Variants in HNRNPD observed in about 807,000 individuals in gnomAD.
The protein encoded by HNRNPD is heterogeneous nuclear ribonucleoprotein D.
A neutral mutation model predicts 47.9 loss-of-function variants in HNRNPD; 3 were observed. The observed-to-expected ratio is 0.06, with a 90% confidence interval of 0.03 to 0.16. HNRNPD has a LOEUF of 0.16. Among genes scored for constraint, HNRNPD ranks in the 10% least tolerant of loss-of-function variants. The probability of loss-of-function intolerance (pLI) is 1.00; values close to 1 mark genes in which losing one functional copy is unlikely to be tolerated. For missense variants in HNRNPD, 287 were observed against 454.2 expected (o/e 0.63, Z 3.35); for synonymous variants, 171 against 165.1 (o/e 1.04, Z -0.28).
At chr4:82,360,376 CAAAAT>C (rs1486314611) in intron 2 of HNRNPD, among the ~76,000 whole-genome samples, 1 of 151,802 alleles carries the variant, frequency 6.6e-6, no homozygotes, top group Non-Finnish European at 1.5e-5. Context: ...CGTATATACT[CAAAAT>C]AAAATATTTT....
At chr4:82,366,405 G>A (rs1043935188) in intron 2 of HNRNPD, among the ~76,000 whole-genome samples, 2 of 151,800 alleles carry the variant, frequency 1.3e-5, no homozygotes, top group Non-Finnish European at 1.5e-5. Flanking sequence ...CATCATGCCC[G>A]GCTAATTTCT....
At chr4:82,363,048 G>GTGTGTATA (rs1198240906) in intron 2 of HNRNPD, among the ~76,000 whole-genome samples, 24 of 145,530 alleles carry the variant, frequency 1.6e-4, no homozygotes, top group African/African-American at 5.5e-4. Flanking sequence ...GTGTGTGTGT[G>GTGTGTATA]TATATATATA....
intron 7 of HNRNPD, chr4:82,355,950 T>C (rs1723693997): frequency 6.5e-6 from 1 of 153,260 alleles, no homozygotes; most frequent in Non-Finnish European, 1.5e-5. Context: ...GCAACCACTC[T>C]CCTCCAAAAA....
chr4:82,369,776 T>C lies in HNRNPD; in HGVS notation c.290+1752A>G, dbSNP rs370237624. 7.9e-5 allele frequency among the ~76,000 whole-genome samples: 12 copies of C among 151,904 alleles called. No homozygotes were observed. The South Asian group carries it at 8.3e-4, about 11-fold the overall frequency. On this transcript the variant is annotated intron_variant, in intron 2 of 8. Transcript: ENST00000313899. ...TCTGGAACAGGATAGGGCTGCATAA[T>C]TGGAAAGTTAAGAAAAGTCAAATAT...
intron 2 of HNRNPD, among the ~76,000 whole-genome samples, chr4:82,360,909 A>C (rs918644968): frequency 3.9e-5 from 6 of 152,190 alleles, no homozygotes; most frequent in African/African-American, 1.4e-4. Context: ...CTAGTGACAA[A>C]GCAAACTTTC....
In HNRNPD at chr4:82,373,472, G is replaced by A. The variant is rs1226564756; in HGVS notation, c.207C>T (p.Asp69=). 1.9e-6 allele frequency: 3 copies of A among 1,563,630 alleles called. No homozygotes were observed. Among genetic ancestry groups the A allele is most frequent in the East Asian group, 2.4e-5 (1 of 42,040 alleles). The part of the protein sequence containing the change: ...GSAESEGAKI[D]ASKNEEDEGH... ...CTTCATCCTCCTCGTTCTTACTGGC[G>A]TCAATCTTCGCCCCCTCCGACTCGG... The change falls in exon 1 of 9, where the codon GAC becomes GAT. Residue 69 remains aspartate (D), a synonymous_variant. Coordinates refer to ENST00000313899, the MANE Select transcript of HNRNPD (RefSeq NM_031370.3).
At position 82,352,939 on chromosome 4, in the gene HNRNPD, C is replaced by G. The variant is rs1460346802; in HGVS notation, c.*1246G>C. ...TATAGAACTGTATAATAATACATTTCTCATTTGTTACCTTTCTAATGAACT... is the reference window on the plus strand; with the variant it reads ...TATAGAACTGTATAATAATACATTTGTCATTTGTTACCTTTCTAATGAACT... On this transcript the variant is annotated 3_prime_UTR_variant, in exon 9 of 9. Coordinates refer to ENST00000313899, the MANE Select transcript of HNRNPD (RefSeq NM_031370.3). 1 of 152,192 alleles carries G rather than the reference C, an allele frequency of 6.6e-6. No individual in the cohort carries two copies. Among genetic ancestry groups the G allele is most frequent in the Non-Finnish European group, 1.5e-5 (1 of 68,038 alleles). 9.4% of individuals were successfully genotyped at this position (152,192 alleles called of 1,614,324 possible). A position where few individuals can be genotyped will look rare whatever the true frequency, so the allele number is the denominator to read the frequency against.
intron 1 of HNRNPD, among the ~76,000 whole-genome samples, chr4:82,372,681 G>C (rs958786297): frequency 1.3e-5 from 2 of 152,184 alleles, no homozygotes; most frequent in African/African-American, 2.4e-5. Flanking sequence ...GCCGGAGATA[G>C]GAACAGCTCC....
intron 8 of HNRNPD, chr4:82,354,399 A>G (rs559223766): frequency 5.2e-5 from 8 of 152,792 alleles, no homozygotes; most frequent in African/African-American, 1.7e-4. Context: ...AAAAAGCTTT[A>G]AAGTATTTAC....
chr4:82,364,064 C>A (rs1719623058), intron 2 of HNRNPD, among the ~76,000 whole-genome samples: 1 of 152,150 alleles, frequency 6.6e-6, no homozygotes, highest in African/African-American at 2.4e-5. Flanking sequence ...GCAGCCTTGA[C>A]CTCCTGGGCT....
Position 82,371,516 on chromosome 4 carries a change from T to A in HNRNPD, c.290+12A>T. 6.2e-7 allele frequency: 1 copy of A among 1,604,468 alleles called. No homozygotes were observed. On this transcript the variant is annotated intron_variant, in intron 2 of 8. Coordinates refer to ENST00000313899, the MANE Select transcript of HNRNPD (RefSeq NM_031370.3). ...ACCTTTATAATACAGAAATAAAATT[T>A]AAAAGTTTTACCATTCTTCCCGCTG...
chr4:82,366,567 CTTTT>C lies in HNRNPD; in HGVS notation c.290+4957_290+4960del, dbSNP rs575034051. Among the ~76,000 whole-genome samples the C allele has an allele frequency of 2.4e-4, 37 of 151,460 alleles. No individual in the cohort carries two copies. The South Asian group carries it at 3.3e-3, about 14-fold the overall frequency. ...CCAACATGACAGTTTTTTAAATAAACTTTTTTTTTCTTTTTTTGAGACGGAGTCT... is the reference window on the plus strand; with the variant it reads ...CCAACATGACAGTTTTTTAAATAAACTTTTTCTTTTTTTGAGACGGAGTCT... On this transcript the variant is annotated intron_variant, in intron 2 of 8. Transcript: ENST00000313899.
rs1033206219 is a variant in HNRNPD, at chr4:82,373,563, G to A, written c.116C>T (p.Ala39Val). 9 of 1,536,088 alleles carry A rather than the reference G, an allele frequency of 5.9e-6. No homozygotes were observed. The African/African-American group carries it at 7.0e-5, about 12-fold the overall frequency. Reference sequence around the variant, plus strand: ...GGTCCCGGCTCCGCTTCCCGCCGCCGCCGCTGCCCCCTGTGTCGCCGCCAC... The same window carrying A: ...GGTCCCGGCTCCGCTTCCCGCCGCCACCGCTGCCCCCTGTGTCGCCGCCAC... ...AMVAATQGAA[A>V]AAGSGAGTGG... is the part of the protein sequence containing the mutation. The change falls in exon 1 of 9, where the codon GCG becomes GTG. Residue 39 changes from alanine to valine, a missense_variant. Physicochemically the swap from Ala to Val is moderately conservative, Grantham distance 64. This residue lies in a region of HNRNPD where 161 missense variants were observed against 137.1 expected (regional missense o/e 1.17). Transcript: ENST00000313899.
intron 1 of HNRNPD, among the ~76,000 whole-genome samples, chr4:82,372,569 A>C (rs1364847923): frequency 6.6e-6 from 1 of 152,172 alleles, no homozygotes; most frequent in Non-Finnish European, 1.5e-5. Context: ...ATAAAAAGTA[A>C]GGTACAATCT....
chr4:82,358,576 G>T, intron 4 of HNRNPD, 83 bp downstream of exon 4: 3 of 1,268,154 alleles, frequency 2.4e-6, no homozygotes, highest in South Asian at 1.4e-5. Context: ...GCTTTGAAAA[G>T]CCAAGTGACT....
chr4:82,358,587 C>T (rs1216003350), intron 4 of HNRNPD, 72 bp downstream of exon 4: 26 of 1,372,756 alleles, frequency 1.9e-5, no homozygotes, highest in Non-Finnish European at 2.5e-5. Flanking sequence ...CCAAGTGACT[C>T]TGAGTCCATA....
At chr4:82,356,950 A>T in intron 5 of HNRNPD, 55 bp from the exon 6 acceptor site, 1 of 1,440,234 alleles carries the variant, frequency 6.9e-7, no homozygotes, top group South Asian at 1.1e-5. Context: ...AAGTTGCTAA[A>T]TAAGTTTCTA....
chr4:82,366,445 T>C (rs766506674), intron 2 of HNRNPD, among the ~76,000 whole-genome samples: 4 of 152,220 alleles, frequency 2.6e-5, no homozygotes, highest in Non-Finnish European at 5.9e-5. Flanking sequence ...GGTTTCAACA[T>C]GTTGGCCAGG....
In HNRNPD at chr4:82,373,431, A is replaced by G; in HGVS notation, c.233+15T>C. ...ACTAGTTGGGCCTGACTATCCTGGG[A>G]TGCCCCTTACTCACCCTTCATCCTC... On this transcript the variant is annotated intron_variant, in intron 1 of 8. Coordinates refer to ENST00000313899, the MANE Select transcript of HNRNPD (RefSeq NM_031370.3). The G allele has an allele frequency of 6.4e-7, 1 of 1,570,864 alleles. No homozygotes were observed. Among genetic ancestry groups the G allele is most frequent in the Admixed American group, 1.8e-5 (1 of 54,488 alleles).
Sources: gnomAD v4.1 joint callset for allele counts (sites outside exome capture counted in the v4.1 genomes callset) on GRCh38, gnomAD v4.1.1 for gene constraint, gnomAD v4.1.1 regional missense constraint, MANE v1.5 for transcripts, NCBI Gene and HGNC (gene_info 2026-07-23, HGNC 2026-07-21) for gene names.